The following BOD1L1 variants were observed in gnomAD, a reference collection of about 807,000 sequenced individuals.
The protein encoded by BOD1L1 is biorientation of chromosomes in cell division 1 like 1.
In BOD1L1, 86 loss-of-function variants were observed where a neutral mutation model predicts 240.7. That is an observed-to-expected ratio of 0.36 (90% CI 0.30 to 0.43). The LOEUF (loss-of-function observed/expected upper bound fraction) is 0.43, where lower values mean the gene tolerates loss of function less well. BOD1L1 is among the 20% of genes least tolerant of loss of function. The pLI is 1.00. For synonymous variants in BOD1L1, 1,268 were observed against 1,272.3 expected, an observed-to-expected ratio of 1.00 and a Z score of 0.07; for missense variants, 3,554 against 3,643.5, an observed-to-expected ratio of 0.98 and a Z score of 0.63.
chr4:13,606,876 T>C (rs1715748011), intron 9 of BOD1L1, among the ~76,000 whole-genome samples: 1 of 152,110 alleles, frequency 6.6e-6, no homozygotes, highest in Non-Finnish European at 1.5e-5. Flanking sequence ...ATTGCAATTA[T>C]AAGAAATGGG....
rs28564781 is a variant in BOD1L1, at chr4:13,581,312, C to G, written c.8593-105G>C. 6,898 of 747,048 alleles carry G rather than the reference C, an allele frequency of 9.2e-3. 307 individuals carry two copies. The African/African-American group carries it at 0.1, about 11-fold the overall frequency. The allele number at this position is 747,048 out of a possible 1,614,324, so 46.3% of individuals were successfully genotyped here. A position where few individuals can be genotyped will look rare whatever the true frequency, so the allele number is the denominator to read the frequency against. On this transcript the variant is annotated intron_variant, in intron 19 of 25. Transcript: ENST00000040738. ...AGATTTAGAGTTCCTGTCTAAGAGA[C>G]CTCAAATCCTAGCTTTGTCACTTTA...
rs886572425 is a variant in BOD1L1, at chr4:13,603,296, T to C, written c.3604A>G (p.Thr1202Ala). The change falls in exon 10 of 26, where the codon ACC becomes GCC. Residue 1202 changes from threonine to alanine, a missense_variant. Transcript: ENST00000040738. ...TGTATATGCATTTTCTTGGTCAAGG[T>C]GCTTCTATGATCGGCATGCTTTTCA... ...NSEKHADHRS[T>A]LTKKMHIQSA... 6.2e-7 allele frequency: 1 copy of C among 1,614,014 alleles called. No homozygotes were observed. The highest frequency in any genetic ancestry group is 1.3e-5 in the African/African-American group (1 of 75,050).
chr4:13,620,285 A>G (rs1451822319), intron 1 of BOD1L1, among the ~76,000 whole-genome samples: 3 of 152,250 alleles, frequency 2.0e-5, no homozygotes, highest in Non-Finnish European at 4.4e-5. Context: ...TCTTATTTAT[A>G]GACAAAGGAC....
chr4:13,622,738 G>C (rs567619467), intron 1 of BOD1L1, among the ~76,000 whole-genome samples: 6 of 152,222 alleles, frequency 3.9e-5, no homozygotes, highest in African/African-American at 1.4e-4. Context: ...CTAAAAATCA[G>C]GTAACCATGT....
In BOD1L1 at chr4:13,569,944, C is replaced by A; in HGVS notation, c.*67G>T. 8.4e-7 allele frequency: 1 copy of A among 1,195,622 alleles called. No homozygotes were observed. The highest frequency in any genetic ancestry group is 1.9e-5 in the South Asian group (1 of 52,514). The allele number at this position is 1,195,622 out of a possible 1,614,324, so 74.1% of individuals were successfully genotyped here. The stretch of plus-strand genomic sequence containing the variant: ...TTCCTGGTTAAAGAGAAGCCTATGG[C>A]CACCAAGGCATGTCTCTTTCCTCTC... On this transcript the variant is annotated 3_prime_UTR_variant, in exon 26 of 26. Transcript: ENST00000040738.
intron 6 of BOD1L1, 62 bp downstream of exon 6, chr4:13,610,872 A>G: frequency 7.1e-7 from 1 of 1,399,956 alleles, no homozygotes; most frequent in Non-Finnish European, 9.7e-7. Context: ...CCTTGCAGAT[A>G]GACTATTTAA....
At chr4:13,570,254 TTATA>T (rs1712102800) in intron 25 of BOD1L1, 126 bp from the exon 26 acceptor site, 8 of 624,112 alleles carry the variant, frequency 1.3e-5, no homozygotes, top group Non-Finnish European at 2.1e-5. Context: ...CCAGTAACAT[TTATA>T]CATGAAAAGG....
At position 13,599,533 on chromosome 4, in the gene BOD1L1, A is replaced by C. The variant is rs1404510226; in HGVS notation, c.7367T>G (p.Leu2456Arg). The change falls in exon 10 of 26, where the codon CTC (leucine) becomes CGC (arginine). Residue 2456 changes from leucine to arginine, a missense_variant. Around this residue, in one of 2 missense-constraint regions of BOD1L1, gnomAD observed 3,393 missense variants for 3,427.1 expected, o/e 0.99. Coordinates refer to ENST00000040738, the MANE Select transcript of BOD1L1 (RefSeq NM_148894.3). ...TACATTCTTCTCTTCTGCATTTATGAGGTGTAAAGTGCTCTCTTTCTGTCC... is the reference window on the plus strand; with the variant it reads ...TACATTCTTCTCTTCTGCATTTATGCGGTGTAAAGTGCTCTCTTTCTGTCC... ...GRGQKESTLHLINAEEKNVLL... is the reference protein window; with the variant it reads ...GRGQKESTLHRINAEEKNVLL... The C allele has an allele frequency of 6.2e-7, 1 of 1,613,900 alleles. No homozygotes were observed. The highest frequency in any genetic ancestry group is 1.7e-5 in the Admixed American group (1 of 60,022).
chr4:13,624,471 T>A (rs1354244715), intron 1 of BOD1L1: 5 of 152,220 alleles, frequency 3.3e-5, no homozygotes, highest in African/African-American at 1.2e-4. Context: ...CAGGCTGGAG[T>A]GCACTGGCAC....
rs571298935 is a variant in BOD1L1, at chr4:13,613,749, T to G, written c.1175-88A>C. 68 of 1,136,282 alleles carry G rather than the reference T, an allele frequency of 6.0e-5. No homozygotes were observed. In the African/African-American group the frequency reaches 8.0e-4, roughly 13 times the overall value. 70.4% of individuals were successfully genotyped at this position (1,136,282 alleles called of 1,614,324 possible). On this transcript the variant is annotated intron_variant, in intron 4 of 25. Coordinates refer to ENST00000040738, the MANE Select transcript of BOD1L1 (RefSeq NM_148894.3). The surrounding 1 kb of genome is among the most constrained non-coding windows in gnomAD (Gnocchi z 4.0). ...TCAATTACTAAATTACACTTAAAAT[T>G]TTCTGCTTTAAATACGTGTCAAACT...
chr4:13,577,307 G>C, intron 24 of BOD1L1, 96 bp downstream of exon 24: 2 of 963,892 alleles, frequency 2.1e-6, no homozygotes, highest in Non-Finnish European at 3.1e-6. Flanking sequence ...ATTAATATTA[G>C]CTGTACCCAT....
Position 13,600,388 on chromosome 4 carries a change from A to G in BOD1L1, c.6512T>C (p.Val2171Ala). The change falls in exon 10 of 26, where the codon GTT becomes GCT. Residue 2171 changes from valine to alanine, a missense_variant. This residue lies in a region of BOD1L1 where 3,393 missense variants were observed against 3,427.1 expected (regional missense o/e 0.99). Transcript: ENST00000040738. The part of the protein sequence containing the change: ...TIKCAESLQP[V>A]AAAVEERATG... The stretch of plus-strand genomic sequence containing the variant: ...AGCCCTTTCTTCCACTGCTGCAGCA[A>G]CCGGCTGAAGACTTTCAGCACACTT... The G allele has an allele frequency of 1.2e-6, 2 of 1,613,924 alleles. No homozygotes were observed. The highest frequency in any genetic ancestry group is 8.5e-7 in the Non-Finnish European group (1 of 1,179,876).
rs371377202 is a variant in BOD1L1, at chr4:13,579,993, CAAA to C, written c.8704-23_8704-21del. The C allele has an allele frequency of 6.6e-7, 1 of 1,524,546 alleles. No individual in the cohort carries two copies. 94.4% of individuals were successfully genotyped at this position (1,524,546 alleles called of 1,614,324 possible). On this transcript the variant is annotated intron_variant, in intron 21 of 25. Coordinates refer to ENST00000040738, the MANE Select transcript of BOD1L1 (RefSeq NM_148894.3). ...TTCTACCTATGTTTAAATAAACAAACAAAAAAAAATTTTAAATCAGCAGTTTAT... is the reference window on the plus strand; with the variant it reads ...TTCTACCTATGTTTAAATAAACAAACAAAAAATTTTAAATCAGCAGTTTAT...
chr4:13,576,762 TC>T, intron 25 of BOD1L1, 75 bp downstream of exon 25: 1 of 1,513,042 alleles, frequency 6.6e-7, no homozygotes, highest in South Asian at 1.3e-5. Flanking sequence ...TCAAAGAGAA[TC>T]CCAGAAAACC....
At chr4:13,597,556 T>G (rs1435542660) in intron 10 of BOD1L1, among the ~76,000 whole-genome samples, 1 of 152,216 alleles carries the variant, frequency 6.6e-6, no homozygotes, top group Admixed American at 6.5e-5. Flanking sequence ...ACAGATTCAC[T>G]TTACTTGCTT....
In BOD1L1 at chr4:13,599,274, A is replaced by C; in HGVS notation, c.7626T>G (p.Val2542=). The C allele has an allele frequency of 6.2e-7, 1 of 1,613,700 alleles. No homozygotes were observed. Among genetic ancestry groups the C allele is most frequent in the Non-Finnish European group, 8.5e-7 (1 of 1,179,732 alleles). The change falls in exon 10 of 26, where the codon GTT becomes GTG. Residue 2542 remains valine, a synonymous_variant. Coordinates refer to ENST00000040738, the MANE Select transcript of BOD1L1 (RefSeq NM_148894.3). ...AGGAATGCTCAGCCACGGTCCCTTG[A>C]ACAGGTGGCATGTCATCAGCTTTTA... ...GAIKADDMPP[V]QGTVAEHSFL... is the part of the protein sequence containing the mutation.
chr4:13,571,894 C>G (rs920917976), intron 25 of BOD1L1, among the ~76,000 whole-genome samples: 1 of 152,210 alleles, frequency 6.6e-6, no homozygotes, highest in South Asian at 2.1e-4. Context: ...CTGCCTGGCA[C>G]TATAGTTTGC....
At chr4:13,591,634 A>G (rs1714227996) in intron 13 of BOD1L1, among the ~76,000 whole-genome samples, 1 of 152,200 alleles carries the variant, frequency 6.6e-6, no homozygotes, top group Non-Finnish European at 1.5e-5. Context: ...TGTCTATAGC[A>G]CCAGGATGAT....
chr4:13,591,641 T>G (rs140640669), intron 13 of BOD1L1, among the ~76,000 whole-genome samples: 1 of 152,318 alleles, frequency 6.6e-6, no homozygotes, highest in East Asian at 1.9e-4. Flanking sequence ...AGCACCAGGA[T>G]GATTTAAGAC....
Sources: gnomAD v4.1 joint callset for allele counts (sites outside exome capture counted in the v4.1 genomes callset) on GRCh38, gnomAD v4.1.1 for gene constraint, gnomAD v4.1.1 regional missense constraint, Gnocchi (gnomAD v3.1) non-coding constraint, MANE v1.5 for transcripts, NCBI Gene and HGNC (gene_info 2026-07-23, HGNC 2026-07-21) for gene names.